Variants in BANK1 observed in about 807,000 individuals in gnomAD.
BANK1 encodes B cell scaffold protein with ankyrin repeats 1.
In BANK1, 95 loss-of-function variants were observed where a neutral mutation model predicts 94.5. The ratio of observed to expected loss-of-function variants is 1.00; its 90% CI spans 0.85 to 1.19. BANK1 has a LOEUF of 1.19. Ranked by LOEUF, BANK1 falls within the 50% of genes most tolerant of loss-of-function variation. The probability of loss-of-function intolerance (pLI) is 0.00; values close to 1 mark genes in which losing one functional copy is unlikely to be tolerated. For synonymous variants in BANK1, 334 were observed against 308.4 expected (o/e 1.08, Z -0.87); for missense variants, 987 against 932.2 (o/e 1.06, Z -0.77).
chr4:101,880,624 A>AT (rs1728642452), intron 5 of BANK1, among the ~76,000 whole-genome samples: 3 of 152,092 alleles, frequency 2.0e-5, no homozygotes, highest in African/African-American at 7.2e-5. Flanking sequence ...AGCCAAAGCA[A>AT]CTCTAAGCAA....
At position 101,829,789 on chromosome 4, in the gene BANK1, A is replaced by G. The variant is rs569361815; in HGVS notation, c.71-19A>G. The G allele has an allele frequency of 6.8e-7, 1 of 1,462,090 alleles. No individual in the cohort carries two copies. The allele number at this position is 1,462,090 out of a possible 1,614,324, so 90.6% of individuals were successfully genotyped here. ...CTGATAGCATTGCAAATATAAGAAA[A>G]TATTTTTTCTTTTTCCAGGAAATAC... On this transcript the variant is annotated intron_variant, in intron 1 of 16. Coordinates refer to ENST00000322953, the MANE Select transcript of BANK1 (RefSeq NM_017935.5).
At chr4:102,023,468 C>T (rs887704305) in intron 8 of BANK1, among the ~76,000 whole-genome samples, 11 of 152,050 alleles carry the variant, frequency 7.2e-5, no homozygotes, top group African/African-American at 2.7e-4. Context: ...TATTTCAATT[C>T]TTTATAAAGA....
chr4:101,920,460 A>G (rs1722966873), intron 7 of BANK1, among the ~76,000 whole-genome samples: 1 of 151,918 alleles, frequency 6.6e-6, no homozygotes, highest in African/African-American at 2.4e-5. Flanking sequence ...ATCTCATTAT[A>G]CTACTAAAAT....
chr4:102,014,436 G>A (rs72929967), intron 7 of BANK1, among the ~76,000 whole-genome samples: 1,858 of 152,128 alleles, frequency 0.012, 35 homozygotes, highest in East Asian at 0.066. Flanking sequence ...ATAAACATGC[G>A]TTAGCTATTG....
intron 7 of BANK1, among the ~76,000 whole-genome samples, chr4:101,999,037 G>A (rs1725972316): frequency 6.6e-6 from 1 of 152,118 alleles, no homozygotes; most frequent in South Asian, 2.1e-4. Context: ...TTGCTTGATA[G>A]TTTGGCTGAA....
chr4:101,795,814 C>T (rs1464972579), intron 1 of BANK1, among the ~76,000 whole-genome samples: 1 of 152,098 alleles, frequency 6.6e-6, no homozygotes, highest in Non-Finnish European at 1.5e-5. Context: ...TATAGATCCA[C>T]AGCCATGTAA....
intron 7 of BANK1, among the ~76,000 whole-genome samples, chr4:101,920,920 A>G (rs771027581): frequency 6.6e-5 from 10 of 151,840 alleles, no homozygotes; most frequent in Non-Finnish European, 1.5e-4. Context: ...TAGGTATATG[A>G]AGGAGGAGGA....
intron 7 of BANK1, among the ~76,000 whole-genome samples, chr4:101,960,372 CA>C (rs892528040): frequency 4.7e-4 from 71 of 152,156 alleles, no homozygotes; most frequent in African/African-American, 1.7e-3. Context: ...AGGCCAAAAA[CA>C]GTAAGAATGA....
rs184993431 is a variant in BANK1 at position 101,814,532 on chromosome 4, G to T, written c.71-15276G>T. 3.4e-3 allele frequency among the ~76,000 whole-genome samples: 516 copies of T among 152,260 alleles called. 4 individuals are homozygous for T. Among genetic ancestry groups the T allele is most frequent in the Non-Finnish European group, 3.4e-3 (229 of 68,004 alleles). On this transcript the variant is annotated intron_variant, in intron 1 of 16. Coordinates refer to ENST00000322953, the MANE Select transcript of BANK1 (RefSeq NM_017935.5). The stretch of plus-strand genomic sequence containing the variant: ...ACTAAAGTTATTCTCTTTTTAATCT[G>T]ATCAGCTGGTCATATGCTTTATCCG...
intron 2 of BANK1, among the ~76,000 whole-genome samples, chr4:101,847,726 T>G (rs370997366): frequency 1.5e-5 from 2 of 134,734 alleles, no homozygotes; most frequent in African/African-American, 5.8e-5. Flanking sequence ...GTCTGCGTAG[T>G]ATTCCATCAT....
intron 7 of BANK1, among the ~76,000 whole-genome samples, chr4:101,967,643 G>A (rs989133385): frequency 6.6e-6 from 1 of 151,898 alleles, no homozygotes; most frequent in Non-Finnish European, 1.5e-5. Context: ...AGGATTTAAG[G>A]TCACACAGCT....
At chr4:101,988,624 T>C (rs936059269) in intron 7 of BANK1, among the ~76,000 whole-genome samples, 25 of 152,230 alleles carry the variant, frequency 1.6e-4, no homozygotes, top group African/African-American at 6.0e-4. Context: ...ACAGATAATA[T>C]GTGTATGTGT....
chr4:102,033,453 G>T (rs1727396303), intron 10 of BANK1, among the ~76,000 whole-genome samples: 1 of 151,970 alleles, frequency 6.6e-6, no homozygotes, highest in African/African-American at 2.4e-5. Flanking sequence ...TAAAACCTGT[G>T]TACTAAGTTT....
Position 101,856,722 on chromosome 4 carries a change from G to C in BANK1, c.624+1533G>C, listed in dbSNP as rs534884077. Among the ~76,000 whole-genome samples the C allele has an allele frequency of 8.6e-5, 13 of 151,996 alleles. 1 individual carries two copies. In the South Asian group the frequency reaches 2.5e-3, roughly 29 times the overall value. On this transcript the variant is annotated intron_variant, in intron 3 of 16. Coordinates refer to ENST00000322953, the MANE Select transcript of BANK1 (RefSeq NM_017935.5). The stretch of plus-strand genomic sequence containing the variant: ...TTATTTAGATAGCTAGTTAGATAAG[G>C]GTTTTTTCAATAGGAGAATCATGGA...
At chr4:101,831,439 A>G (rs189658224) in intron 2 of BANK1, among the ~76,000 whole-genome samples, 21 of 152,260 alleles carry the variant, frequency 1.4e-4, no homozygotes, top group Admixed American at 1.3e-3. Context: ...CTTATTTTCC[A>G]GTATTGTAAC....
At chr4:101,812,265 A>G (rs1467807610) in intron 1 of BANK1, among the ~76,000 whole-genome samples, 2 of 151,888 alleles carry the variant, frequency 1.3e-5, no homozygotes, top group African/African-American at 2.4e-5. Context: ...AATTATATAT[A>G]TTTTTAAGTG....
At chr4:101,950,053 GTGTGTGT>G (rs1724085154) in intron 7 of BANK1, among the ~76,000 whole-genome samples, 3 of 134,112 alleles carry the variant, frequency 2.2e-5, no homozygotes, top group South Asian at 4.3e-4. Flanking sequence ...GTGTGTGTGT[GTGTGTGT>G]GCGCGTGCGC....
chr4:101,893,903 CTT>C (rs1022098192), intron 5 of BANK1, among the ~76,000 whole-genome samples: 2 of 152,022 alleles, frequency 1.3e-5, no homozygotes, highest in Non-Finnish European at 2.9e-5. Context: ...ATCCCCACTT[CTT>C]TTTTATCTCT....
intron 16 of BANK1, 103 bp downstream of exon 16, chr4:102,073,851 T>C (rs1031907996): frequency 8.2e-6 from 7 of 856,006 alleles, no homozygotes; most frequent in Middle Eastern, 3.1e-4. Context: ...AAAGATTTCA[T>C]TGTCTTCTCC....
Sources: gnomAD v4.1 joint callset for allele counts (sites outside exome capture counted in the v4.1 genomes callset) on GRCh38, gnomAD v4.1.1 for gene constraint, MANE v1.5 for transcripts, NCBI Gene and HGNC (gene_info 2026-07-23, HGNC 2026-07-21) for gene names.